The following PDE5A variants were observed in gnomAD, a reference collection of about 807,000 sequenced individuals.
PDE5A encodes cGMP-specific 3',5'-cyclic phosphodiesterase.
PDE5A carries 67 observed loss-of-function variants against 110.2 expected under a neutral mutation model. That is an observed-to-expected ratio of 0.61 (90% confidence interval 0.50 to 0.75). The LOEUF (loss-of-function observed/expected upper bound fraction) is 0.75, where lower values mean the gene tolerates loss of function less well. Among genes scored for constraint, PDE5A ranks in the 30% least tolerant of loss-of-function variants. The pLI is 0.00. For synonymous variants in PDE5A, 328 were observed against 351.2 expected (o/e 0.93, Z 0.74); for missense variants, 862 against 1,045.1 (o/e 0.82, Z 2.42).
At chr4:119,571,945 C>T (rs1430145423) in intron 3 of PDE5A, among the ~76,000 whole-genome samples, 1 of 152,154 alleles carries the variant, frequency 6.6e-6, no homozygotes, top group Admixed American at 6.6e-5. Context: ...AATGGTTTCA[C>T]CCATCTACAG....
intron 11 of PDE5A, among the ~76,000 whole-genome samples, chr4:119,531,638 T>G (rs1429400561): frequency 1.3e-5 from 2 of 152,108 alleles, no homozygotes; most frequent in Non-Finnish European, 2.9e-5. Flanking sequence ...CAAAAAGGCT[T>G]GGAACATCAT....
chr4:119,603,176 A>G (rs1354211437), intron 2 of PDE5A, among the ~76,000 whole-genome samples: 1 of 152,150 alleles, frequency 6.6e-6, no homozygotes, highest in Non-Finnish European at 1.5e-5. Context: ...GCTTCTTAGT[A>G]TAAGTGTTAA....
chr4:119,576,277 A>C (rs1202361199), intron 3 of PDE5A, among the ~76,000 whole-genome samples: 1 of 152,210 alleles, frequency 6.6e-6, no homozygotes, highest in Non-Finnish European at 1.5e-5. Flanking sequence ...AGACAGATGA[A>C]CGAGACAGAG....
intron 2 of PDE5A, among the ~76,000 whole-genome samples, chr4:119,605,048 T>C (rs1729479804): frequency 6.6e-6 from 1 of 152,184 alleles, no homozygotes; most frequent in African/African-American, 2.4e-5. Flanking sequence ...TTATGACTAC[T>C]GTAAAATTAA....
intron 5 of PDE5A, among the ~76,000 whole-genome samples, chr4:119,563,343 G>A (rs925449805): frequency 2.6e-5 from 4 of 152,124 alleles, no homozygotes; most frequent in African/African-American, 7.2e-5. Context: ...TACATAAAAC[G>A]CACTGTTAAT....
chr4:119,545,591 C>T (rs910654024), intron 9 of PDE5A, among the ~76,000 whole-genome samples: 2 of 152,130 alleles, frequency 1.3e-5, no homozygotes, highest in Admixed American at 1.3e-4. Flanking sequence ...ATAAAGTACT[C>T]AGAATGTGGT....
Position 119,495,426 on chromosome 4 carries a change from T to C in PDE5A, c.*3175A>G, listed in dbSNP as rs181352925. The C allele has an allele frequency of 6.6e-6, 1 of 151,782 alleles. No individual in the cohort carries two copies. The highest frequency in any genetic ancestry group is 1.9e-4 in the East Asian group (1 of 5,174). The allele number at this position is 151,782 out of a possible 1,614,324, so 9.4% of individuals were successfully genotyped here. A position where few individuals can be genotyped will look rare whatever the true frequency, so the allele number is the denominator to read the frequency against. On this transcript the variant is annotated 3_prime_UTR_variant, in exon 21 of 21. Transcript: ENST00000354960. The stretch of plus-strand genomic sequence containing the variant: ...AACGATGACATTTTGTATCCTCTCA[T>C]ATTAAATCAATCTTGTAAACAAAAG...
chr4:119,624,307 TA>T (rs1325989429), intron 1 of PDE5A, among the ~76,000 whole-genome samples: 4 of 152,176 alleles, frequency 2.6e-5, no homozygotes, highest in African/African-American at 4.8e-5. Context: ...AACAATAATT[TA>T]AAAAAATACA....
At chr4:119,620,217 A>G (rs1479108669) in intron 1 of PDE5A, among the ~76,000 whole-genome samples, 1 of 152,226 alleles carries the variant, frequency 6.6e-6, no homozygotes, top group African/African-American at 2.4e-5. Context: ...TCTAAGTGAT[A>G]TCCTCCAATA....
chr4:119,582,283 C>T (rs1159157552), intron 3 of PDE5A, among the ~76,000 whole-genome samples: 3 of 152,226 alleles, frequency 2.0e-5, no homozygotes, highest in Non-Finnish European at 4.4e-5. Context: ...CAAGAAACCA[C>T]TTTCTTTGCT....
intron 11 of PDE5A, among the ~76,000 whole-genome samples, chr4:119,534,220 A>G (rs532771455): frequency 2.4e-4 from 37 of 152,288 alleles, no homozygotes; most frequent in African/African-American, 8.4e-4. Flanking sequence ...GAGGAAGATG[A>G]TGCCTTGGGG....
chr4:119,628,277 G>A (rs1257625411), intron 1 of PDE5A, among the ~76,000 whole-genome samples: 1 of 77,362 alleles, frequency 1.3e-5, no homozygotes, highest in African/African-American at 3.8e-5. Flanking sequence ...AATACCAAGA[G>A]GGTCGGGGGT....
intron 1 of PDE5A, among the ~76,000 whole-genome samples, chr4:119,610,416 A>C (rs1305222270): frequency 6.6e-6 from 1 of 152,262 alleles, no homozygotes; most frequent in Non-Finnish European, 1.5e-5. Context: ...CTGTTAAATC[A>C]TATAAAAATA....
intron 3 of PDE5A, among the ~76,000 whole-genome samples, chr4:119,567,409 A>G (rs566179681): frequency 1.3e-5 from 2 of 152,344 alleles, no homozygotes; most frequent in East Asian, 3.9e-4. Context: ...ATTTTGAATG[A>G]AATTATTTTA....
chr4:119,536,741 T>C (rs565302339), intron 11 of PDE5A, among the ~76,000 whole-genome samples: 2 of 152,262 alleles, frequency 1.3e-5, no homozygotes, highest in South Asian at 4.1e-4. Context: ...TTTACTTTGT[T>C]CTGTCTAACT....
At chr4:119,577,588 T>C (rs1033992916) in intron 3 of PDE5A, among the ~76,000 whole-genome samples, 4 of 152,070 alleles carry the variant, frequency 2.6e-5, no homozygotes, top group Non-Finnish European at 4.4e-5. Context: ...ACAAAAACCA[T>C]ATGATTATCT....
intron 15 of PDE5A, among the ~76,000 whole-genome samples, chr4:119,507,948 C>A (rs1725611553): frequency 6.6e-6 from 1 of 151,884 alleles, no homozygotes; most frequent in South Asian, 2.1e-4. Flanking sequence ...CTCTTATACT[C>A]CTTAAGCCTT....
chr4:119,573,128 A>G (rs1250457566), intron 3 of PDE5A, among the ~76,000 whole-genome samples: 1 of 152,204 alleles, frequency 6.6e-6, no homozygotes, highest in Non-Finnish European at 1.5e-5. Context: ...ATTGCATTCC[A>G]TATCAAACTG....
chr4:119,565,092 G>C (rs532515702), intron 5 of PDE5A, among the ~76,000 whole-genome samples: 7 of 152,088 alleles, frequency 4.6e-5, no homozygotes, highest in African/African-American at 1.7e-4. Context: ...AGTAACGTGT[G>C]GTGTAAGTCA....
Sources: gnomAD v4.1 joint callset for allele counts (sites outside exome capture counted in the v4.1 genomes callset) on GRCh38, gnomAD v4.1.1 for gene constraint, MANE v1.5 for transcripts, NCBI Gene and HGNC (gene_info 2026-07-23, HGNC 2026-07-21) for gene names.